COL4A2: variants seen among roughly 807,000 people sequenced by gnomAD.
COL4A2 encodes the protein collagen alpha-2(IV) chain.
Under a neutral mutation model 200.2 loss-of-function variants are expected in COL4A2, and 99 were observed. That is an observed-to-expected ratio of 0.49 (90% CI 0.42 to 0.58). The LOEUF (loss-of-function observed/expected upper bound fraction) is 0.58. Among genes scored for constraint, COL4A2 ranks in the 20% least tolerant of loss-of-function variants. COL4A2 has a pLI of 0.00. For missense variants in COL4A2, 1,950 were observed against 2,314.1 expected (o/e 0.84, Z 3.23); for synonymous variants, 897 against 900.6 (o/e 1.00, Z 0.07).
At chr13:110,511,105 A>G (rs1314216070) in intron 47 of COL4A2, among the ~76,000 whole-genome samples, 2 of 152,100 alleles carry the variant, frequency 1.3e-5, no homozygotes, top group Non-Finnish European at 1.5e-5. Context: ...TCCAAAGCCC[A>G]CTTACCACTC....
chr13:110,357,677 A>G, intron 4 of COL4A2, 125 bp downstream of exon 4: 3 of 1,390,588 alleles, frequency 2.2e-6, no homozygotes, highest in Non-Finnish European at 2.9e-6. Flanking sequence ...CATACTGGAG[A>G]GTACTCACAC....
chr13:110,468,824 G>A (rs763334230), intron 27 of COL4A2, among the ~76,000 whole-genome samples: 1 of 152,178 alleles, frequency 6.6e-6, no homozygotes, highest in Non-Finnish European at 1.5e-5. Flanking sequence ...TCACCTCATA[G>A]TCCTCGTGGC....
At chr13:110,366,181 T>C (rs1566495541) in intron 4 of COL4A2, among the ~76,000 whole-genome samples, 1 of 152,354 alleles carries the variant, frequency 6.6e-6, no homozygotes, top group East Asian at 1.9e-4. Flanking sequence ...TTCCAATTCA[T>C]TCTTAGTAAA....
intron 3 of COL4A2, among the ~76,000 whole-genome samples, chr13:110,355,322 T>TGG (rs1555323153): frequency 4.7e-5 from 6 of 128,010 alleles, no homozygotes; most frequent in Non-Finnish European, 7.7e-5. Context: ...CAACTGTGTG[T>TGG]GGGAGAGGGC....
intron 28 of COL4A2, 137 bp downstream of exon 28, chr13:110,469,461 C>T (rs1882380786): frequency 1.1e-6 from 1 of 903,342 alleles, no homozygotes; most frequent in Non-Finnish European, 1.6e-6. Flanking sequence ...TGCATTTGTC[C>T]TTGGGAGATT....
At position 110,400,139 on chromosome 13, in the gene COL4A2, CTTAA is replaced by C; in HGVS notation, c.181-24592_181-24589del. On this transcript the variant is annotated intron_variant, in intron 4 of 47. Transcript: ENST00000360467. ...GCCAGCCTAGATAGGAAACTCCCTT[CTTAA>C]TTCATTCATAAAGTACCTTTTGATA... 2.6e-5 allele frequency among the ~76,000 whole-genome samples: 4 copies of C among 152,298 alleles called. No individual in the cohort carries two copies. In the South Asian group the frequency reaches 8.3e-4, roughly 32 times the overall value.
chr13:110,428,495 GA>G lies in COL4A2; in HGVS notation c.391del (p.Arg131GlyfsTer115). The G allele has an allele frequency of 6.3e-7, 1 of 1,584,820 alleles. No individual in the cohort carries two copies. Among genetic ancestry groups the G allele is most frequent in the African/African-American group, 1.4e-5 (1 of 72,512 alleles). ...PGHPGQGGPRGRPGYDGCNGT... is the reference protein window; with the variant it reads ...PGHPGQGGPRXRPGYDGCNGT... ...CACCCGGGGCAAGGTGGGCCCAGGG[GA>G]AGGCCGGGCTACGATGGCTGCAACG... is the stretch of plus-strand genomic sequence containing the variant. On this transcript the variant is annotated frameshift_variant, in exon 7 of 48. Transcript: ENST00000360467. LOFTEE classifies it high-confidence loss of function.
In COL4A2 at chr13:110,430,588, T is replaced by C. The variant is rs552174744; in HGVS notation, c.629T>C (p.Val210Ala). The C allele has an allele frequency of 1.7e-5, 28 of 1,614,206 alleles. No homozygotes were observed. The highest frequency in any genetic ancestry group is 2.3e-5 in the Non-Finnish European group (27 of 1,180,018). The change falls in exon 10 of 48, where the codon GTT becomes GCT. Residue 210 changes from valine (V) to alanine (A), a missense_variant. Val to Ala is a moderately conservative substitution (Grantham distance 64). Transcript: ENST00000360467. ...GGGCATGTGGGACAGATGGGTCCAG[T>C]TGGAGCTCCAGGGAGACCAGTAAGT... ...RPGHVGQMGP[V>A]GAPGRPGPPG...
At chr13:110,484,385 A>G (rs1291245527) in intron 32 of COL4A2, among the ~76,000 whole-genome samples, 6 of 152,086 alleles carry the variant, frequency 3.9e-5, no homozygotes, top group Admixed American at 3.3e-4. Flanking sequence ...GAACTAGCAC[A>G]GTTTCCCGCC....
chr13:110,331,479 C>G (rs1247685835), intron 3 of COL4A2, among the ~76,000 whole-genome samples: 18 of 152,220 alleles, frequency 1.2e-4, no homozygotes, highest in Non-Finnish European at 2.6e-4. Context: ...CATGCAGACT[C>G]ACGCCTGACC....
chr13:110,356,779 T>G (rs1877287725), intron 3 of COL4A2, among the ~76,000 whole-genome samples: 1 of 151,924 alleles, frequency 6.6e-6, no homozygotes, highest in Admixed American at 6.6e-5. Context: ...ACTTTTTTTT[T>G]TTTTTTTGAG....
chr13:110,315,121 C>T (rs1304325891), intron 3 of COL4A2, among the ~76,000 whole-genome samples: 1 of 152,216 alleles, frequency 6.6e-6, no homozygotes, highest in Non-Finnish European at 1.5e-5. Context: ...GCCAGTTCTG[C>T]TCTGCACACC....
At chr13:110,347,115 T>C (rs1046721223) in intron 3 of COL4A2, among the ~76,000 whole-genome samples, 3 of 152,210 alleles carry the variant, frequency 2.0e-5, no homozygotes, top group African/African-American at 4.8e-5. Context: ...AGAGGATGTG[T>C]GTCAGGAAAT....
chr13:110,460,389 C>T (rs569471658), intron 22 of COL4A2, among the ~76,000 whole-genome samples: 10 of 152,306 alleles, frequency 6.6e-5, no homozygotes, highest in East Asian at 1.9e-4. Flanking sequence ...AAAAAGGATG[C>T]GATCTCTGAA....
chr13:110,465,284 G>A (rs970572261), intron 24 of COL4A2, 121 bp from the exon 25 acceptor site: 5 of 1,294,850 alleles, frequency 3.9e-6, no homozygotes, highest in Non-Finnish European at 5.3e-6. Flanking sequence ...GTTCATCTCT[G>A]TTGTCTTTCT....
At chr13:110,321,082 T>C (rs182969868) in intron 3 of COL4A2, among the ~76,000 whole-genome samples, 1 of 152,268 alleles carries the variant, frequency 6.6e-6, no homozygotes, top group Admixed American at 6.5e-5. Flanking sequence ...ATATAGCACC[T>C]ACCTTACAAA....
intron 13 of COL4A2, among the ~76,000 whole-genome samples, chr13:110,436,570 C>T (rs182852796): frequency 2.0e-5 from 3 of 151,312 alleles, no homozygotes; most frequent in African/African-American, 7.3e-5. Flanking sequence ...GCGATCCCGT[C>T]GTCAGTCCAT....
rs192001006 is a variant in COL4A2 at position 110,485,102 on chromosome 13, G to A, written c.3025+75G>A. Reference sequence around the variant, plus strand: ...CCCGCACCAGCTCGTGCCCTTCTCCGTCCCCAGAGACGCCCGTGCCCTCCA... The same window carrying A: ...CCCGCACCAGCTCGTGCCCTTCTCCATCCCCAGAGACGCCCGTGCCCTCCA... On this transcript the variant is annotated intron_variant, in intron 33 of 47. Transcript: ENST00000360467. 4.7e-4 allele frequency: 634 copies of A among 1,348,152 alleles called. 2 individuals carry two copies. The African/African-American group carries it at 6.5e-3, about 14-fold the overall frequency. 83.5% of individuals were successfully genotyped at this position (1,348,152 alleles called of 1,614,324 possible).
intron 3 of COL4A2, among the ~76,000 whole-genome samples, chr13:110,352,109 A>G (rs1246030811): frequency 6.6e-6 from 1 of 152,236 alleles, no homozygotes; most frequent in African/African-American, 2.4e-5. Flanking sequence ...GATGATGATG[A>G]TGATGACGAT....
Sources: allele counts gnomAD v4.1 joint callset (sites outside exome capture counted in the v4.1 genomes callset), GRCh38; gene constraint gnomAD v4.1.1; transcripts MANE v1.5; gene names NCBI Gene and HGNC (gene_info 2026-07-23, HGNC 2026-07-21).